JDP2: variants seen among roughly 807,000 people sequenced by gnomAD.
JDP2 encodes the protein Jun dimerization protein 2.
JDP2 carries 9 observed loss-of-function variants against 17.1 expected under a neutral mutation model. The ratio of observed to expected loss-of-function variants is 0.53; its 90% CI spans 0.32 to 0.92. The LOEUF (loss-of-function observed/expected upper bound fraction) is 0.92, where lower values mean the gene tolerates loss of function less well. JDP2 is among the 40% of genes least tolerant of loss of function. The pLI, the probability that JDP2 is intolerant of heterozygous loss-of-function variation, is 0.04. For synonymous variants in JDP2, 107 were observed against 95.6 expected (o/e 1.12, Z -0.69); for missense variants, 179 against 220.0 (o/e 0.81, Z 1.18).
intron 1 of JDP2, among the ~76,000 whole-genome samples, chr14:75,432,944 G>A (rs113414429): frequency 0.091 from 13,805 of 151,942 alleles, 782 homozygotes; most frequent in Middle Eastern, 0.13. Context: ...GCTCACGCCC[G>A]TAATCCCAGC....
intron 2 of JDP2, among the ~76,000 whole-genome samples, chr14:75,439,877 G>A (rs1885255250): frequency 6.6e-6 from 1 of 152,190 alleles, no homozygotes; most frequent in Non-Finnish European, 1.5e-5. Flanking sequence ...GCCAGTAGCT[G>A]AGCAGTTTCA....
Position 75,461,286 on chromosome 14 carries a change from T to C in JDP2, c.202-140T>C, listed in dbSNP as rs1281693309. On this transcript the variant is annotated intron_variant, in intron 2 of 3. Coordinates refer to ENST00000651602, the MANE Select transcript of JDP2 (RefSeq NM_001135048.2). Reference sequence around the variant, plus strand: ...GAGGTATTTCCAACTCTCCAGGCAGTGGGCTGGCAGAAGTGATCACTTGTT... The same window carrying C: ...GAGGTATTTCCAACTCTCCAGGCAGCGGGCTGGCAGAAGTGATCACTTGTT... The C allele has an allele frequency of 4.6e-6, 3 of 652,064 alleles. No homozygotes were observed. The Admixed American group carries it at 6.8e-5, about 15-fold the overall frequency. 40.4% of individuals were successfully genotyped at this position (652,064 alleles called of 1,614,324 possible).
intron 2 of JDP2, among the ~76,000 whole-genome samples, chr14:75,447,446 C>A (rs1033063739): frequency 1.4e-5 from 2 of 147,928 alleles, no homozygotes; most frequent in African/African-American, 5.0e-5. Context: ...ATAATTTTAT[C>A]TATTATTAAA....
At position 75,464,909 on chromosome 14, in the gene JDP2, G is replaced by A. The variant is rs149276995; in HGVS notation, c.306+3379G>A. ...TAATGCTGGCAGCTTCTGTCTCTCT[G>A]CTGTCCTAACCCAGGTTCTCTAGAT... On this transcript the variant is annotated intron_variant, in intron 3 of 3. Coordinates refer to ENST00000651602, the MANE Select transcript of JDP2 (RefSeq NM_001135048.2). Among the ~76,000 whole-genome samples the A allele has an allele frequency of 3.2e-3, 494 of 152,302 alleles. 1 individual carries two copies. Among genetic ancestry groups the A allele is most frequent in the Admixed American group, 7.0e-3 (107 of 15,298 alleles).
chr14:75,457,303 G>T (rs200966350), intron 2 of JDP2, among the ~76,000 whole-genome samples: 1 of 152,258 alleles, frequency 6.6e-6, no homozygotes, highest in East Asian at 1.9e-4. Flanking sequence ...GGAAGGAGGA[G>T]GCAGCAGCCC....
intron 2 of JDP2, among the ~76,000 whole-genome samples, chr14:75,438,374 G>A (rs1885177632): frequency 6.6e-6 from 1 of 152,122 alleles, no homozygotes; most frequent in Admixed American, 6.5e-5. Context: ...TGTTTAACCT[G>A]TCTCTGGTTC....
chr14:75,458,938 C>T (rs1485077857), intron 2 of JDP2, among the ~76,000 whole-genome samples: 5 of 152,178 alleles, frequency 3.3e-5, no homozygotes, highest in East Asian at 1.9e-4. Context: ...GGAGGAGGAG[C>T]GGCCCCTGAC....
At chr14:75,469,224 A>G (rs1441465819) in intron 3 of JDP2, 66 bp from the exon 4 acceptor site, 8 of 1,502,530 alleles carry the variant, frequency 5.3e-6, no homozygotes, top group Admixed American at 1.8e-5. Context: ...GCCTAACCAC[A>G]GGCAGAGCCT....
At chr14:75,436,848 C>T (rs1200416018) in intron 1 of JDP2, among the ~76,000 whole-genome samples, 1 of 152,208 alleles carries the variant, frequency 6.6e-6, no homozygotes, top group East Asian at 1.9e-4. Context: ...TTCCCTTGTA[C>T]ACCTTTTTGG....
In JDP2 at chr14:75,430,932, G is replaced by A. The variant is rs925398082; in HGVS notation, c.-24+2680G>A. Among the ~76,000 whole-genome samples, 1 of 152,146 alleles carries A rather than the reference G, an allele frequency of 6.6e-6. No individual in the cohort carries two copies. The highest frequency in any genetic ancestry group is 1.5e-5 in the Non-Finnish European group (1 of 68,032). On this transcript the variant is annotated intron_variant, in intron 1 of 3. Coordinates refer to ENST00000651602, the MANE Select transcript of JDP2 (RefSeq NM_001135048.2). The surrounding 1 kb of genome is among the most constrained non-coding windows in gnomAD (Gnocchi z 4.5). ...GCTGGCTGTGGGAGGCCTGGCCAGAGCCCACCATTCTTAGTTGTTGTTGTT... is the reference window on the plus strand; with the variant it reads ...GCTGGCTGTGGGAGGCCTGGCCAGAACCCACCATTCTTAGTTGTTGTTGTT...
chr14:75,460,430 G>C (rs1364324190), intron 2 of JDP2, among the ~76,000 whole-genome samples: 1 of 152,230 alleles, frequency 6.6e-6, no homozygotes, highest in African/African-American at 2.4e-5. Flanking sequence ...GTATGGAGGA[G>C]CGGGGAAGAT....
chr14:75,431,290 A>G (rs1308626452), intron 1 of JDP2, among the ~76,000 whole-genome samples: 1 of 152,230 alleles, frequency 6.6e-6, no homozygotes, highest in African/African-American at 2.4e-5. Context: ...TGTTATAGGC[A>G]AGGCCTTGGA....
At chr14:75,441,922 T>C (rs1885374239) in intron 2 of JDP2, among the ~76,000 whole-genome samples, 1 of 152,248 alleles carries the variant, frequency 6.6e-6, no homozygotes, top group Non-Finnish European at 1.5e-5. Context: ...GGGTCTGGAA[T>C]GCATTTTCAG....
chr14:75,428,388 C>T lies in JDP2; in HGVS notation c.-24+136C>T, dbSNP rs1401018094. On this transcript the variant is annotated intron_variant, in intron 1 of 3. Transcript: ENST00000651602. This position sits in a 1 kb window ranked among gnomAD's most constrained non-coding sequence, Gnocchi z 5.6. ...GCCCAGCCCCGCGGGGAGGCTCCCG[C>T]AGCCCAGGGACCTCGAGCTTTCCCC... 1 of 151,320 alleles carries T rather than the reference C, an allele frequency of 6.6e-6. No individual in the cohort carries two copies. The highest frequency in any genetic ancestry group is 1.5e-5 in the Non-Finnish European group (1 of 67,726). The allele number at this position is 151,320 out of a possible 1,614,324, so 9.4% of individuals were successfully genotyped here.
intron 2 of JDP2, among the ~76,000 whole-genome samples, chr14:75,458,717 G>A (rs779320243): frequency 6.6e-6 from 1 of 152,178 alleles, no homozygotes; most frequent in East Asian, 1.9e-4. Context: ...TAGTATTTCT[G>A]TTTTTAGCTA....
chr14:75,453,894 T>C (rs917444950), intron 2 of JDP2, among the ~76,000 whole-genome samples: 6 of 152,204 alleles, frequency 3.9e-5, no homozygotes, highest in Admixed American at 1.3e-4. Context: ...TTTTGGTTTT[T>C]CTTTTGTGTC....
intron 2 of JDP2, among the ~76,000 whole-genome samples, chr14:75,452,920 C>T (rs1473246244): frequency 6.6e-6 from 1 of 152,230 alleles, no homozygotes; most frequent in Non-Finnish European, 1.5e-5. Flanking sequence ...AGACCTTGGC[C>T]ACTGAGTAAG....
chr14:75,429,896 T>C (rs766215853), intron 1 of JDP2, among the ~76,000 whole-genome samples: 2 of 152,142 alleles, frequency 1.3e-5, no homozygotes, highest in African/African-American at 4.8e-5. Context: ...CAGGAAGTCA[T>C]GGGTGTGTAG....
At chr14:75,446,616 GACAGGAAGT>G (rs761698538) in intron 2 of JDP2, among the ~76,000 whole-genome samples, 33 of 148,782 alleles carry the variant, frequency 2.2e-4, no homozygotes, top group Non-Finnish European at 3.4e-4. Context: ...AATTCATAGA[GACAGGAAGT>G]AGAGCCAGTA....
Sources: allele counts gnomAD v4.1 joint callset (sites outside exome capture counted in the v4.1 genomes callset), GRCh38; gene constraint gnomAD v4.1.1; non-coding constraint Gnocchi (gnomAD v3.1); transcripts MANE v1.5; gene names NCBI Gene and HGNC (gene_info 2026-07-23, HGNC 2026-07-21).